Variants in SRRM4 observed in about 807,000 individuals in gnomAD.
SRRM4 encodes serine/arginine repetitive matrix 4.
SRRM4 carries 33 observed loss-of-function variants against 68.9 expected under a neutral mutation model. The observed-to-expected ratio is 0.48, with a 90% CI of 0.36 to 0.64. The LOEUF is 0.64. SRRM4 is among the 30% of genes least tolerant of loss of function. SRRM4 has a pLI of 0.00. For missense variants in SRRM4, 817 were observed against 827.1 expected (o/e 0.99, Z 0.15); for synonymous variants, 318 against 318.8 (o/e 1.00, Z 0.03).
intron 1 of SRRM4, among the ~76,000 whole-genome samples, chr12:119,058,755 C>G (rs1953792547): frequency 6.6e-6 from 1 of 152,174 alleles, no homozygotes; most frequent in Admixed American, 6.5e-5. Context: ...AGGACACACT[C>G]CAGCTCCATT....
At chr12:119,008,051 G>A (rs1953426302) in intron 1 of SRRM4, among the ~76,000 whole-genome samples, 1 of 152,148 alleles carries the variant, frequency 6.6e-6, no homozygotes, top group Admixed American at 6.5e-5. Context: ...GCACATAGTG[G>A]GTGCTCAGCG....
intron 7 of SRRM4, among the ~76,000 whole-genome samples, chr12:119,129,492 C>A (rs1038013924): frequency 1.3e-5 from 2 of 152,076 alleles, no homozygotes; most frequent in African/African-American, 4.8e-5. Context: ...TCACAGATGG[C>A]AAAGTCACAT....
intron 1 of SRRM4, among the ~76,000 whole-genome samples, chr12:119,065,715 G>A (rs1044767753): frequency 6.6e-6 from 1 of 152,100 alleles, no homozygotes; most frequent in Non-Finnish European, 1.5e-5. Flanking sequence ...TTGTGCCACT[G>A]CACTCCAGCT....
chr12:119,137,616 G>T (rs1954338341), intron 8 of SRRM4, among the ~76,000 whole-genome samples: 1 of 151,354 alleles, frequency 6.6e-6, no homozygotes, highest in Non-Finnish European at 1.5e-5. Context: ...GAGAGAGAGA[G>T]AGAGAGAGAG....
rs149658278 is a variant in SRRM4 at position 119,092,076 on chromosome 12, G to A, written c.132-10160G>A. Among the ~76,000 whole-genome samples, 1,441 of 152,282 alleles carry A rather than the reference G, an allele frequency of 9.5e-3. 22 individuals carry two copies. The highest frequency in any genetic ancestry group is 0.012 in the Non-Finnish European group (783 of 68,030). ...ACTGTGTCTAAATGAATAACTTGGA[G>A]CTGTCAGTCACTTTATATTTTAAAA... is the stretch of plus-strand genomic sequence containing the variant. On this transcript the variant is annotated intron_variant, in intron 1 of 12. Transcript: ENST00000267260.
intron 1 of SRRM4, among the ~76,000 whole-genome samples, chr12:119,038,361 G>A (rs1005481658): frequency 1.3e-5 from 2 of 151,838 alleles, no homozygotes; most frequent in African/African-American, 4.8e-5. Context: ...ACAGGCACCC[G>A]CCACCATGCC....
chr12:119,061,924 A>C (rs942561524), intron 1 of SRRM4, among the ~76,000 whole-genome samples: 1 of 152,148 alleles, frequency 6.6e-6, no homozygotes, highest in Non-Finnish European at 1.5e-5. Flanking sequence ...TCCCACCTCC[A>C]TTGAAAATCT....
chr12:119,125,606 T>C, intron 7 of SRRM4, 127 bp downstream of exon 7: 1 of 739,532 alleles, frequency 1.4e-6, no homozygotes, highest in South Asian at 1.9e-5. Flanking sequence ...ACTCAGCAGC[T>C]GGCACCACTT....
chr12:119,038,885 CG>C (rs1380556817), intron 1 of SRRM4, among the ~76,000 whole-genome samples: 2 of 152,278 alleles, frequency 1.3e-5, no homozygotes, highest in South Asian at 4.2e-4. Context: ...ACTGTTATTA[CG>C]GGAGCCAGAG....
intron 1 of SRRM4, among the ~76,000 whole-genome samples, chr12:119,043,284 C>G (rs1953681661): frequency 6.6e-6 from 1 of 152,054 alleles, no homozygotes; most frequent in Admixed American, 6.6e-5. Flanking sequence ...CAAACTCACG[C>G]AAGAACAGAA....
intron 1 of SRRM4, among the ~76,000 whole-genome samples, chr12:119,008,832 G>C (rs1437458390): frequency 1.3e-5 from 2 of 151,942 alleles, no homozygotes; most frequent in Non-Finnish European, 1.5e-5. Flanking sequence ...TAATTGATAC[G>C]GAGTTTCCCC....
chr12:119,130,643 C>A (rs1350454791), intron 7 of SRRM4, 35 bp from the exon 8 acceptor site: 1 of 1,591,494 alleles, frequency 6.3e-7, no homozygotes, highest in East Asian at 2.2e-5. Context: ...TGCTCCCCTT[C>A]AAAAGACCCT....
rs1482797084 is a variant in SRRM4, at chr12:119,154,021, C to T, written c.1392-222C>T. Among the ~76,000 whole-genome samples, 1 of 150,090 alleles carries T rather than the reference C, an allele frequency of 6.7e-6. No individual in the cohort carries two copies. The highest frequency in any genetic ancestry group is 2.5e-5 in the African/African-American group (1 of 40,298). ...TATGATGCCCACCTGCAAATGCTGA[C>T]ACCCCTGCACAAGCCCAGCCCCCAC... On this transcript the variant is annotated intron_variant, in intron 11 of 12. Coordinates refer to ENST00000267260, the MANE Select transcript of SRRM4 (RefSeq NM_194286.4). The surrounding 1 kb of genome is among the most constrained non-coding windows in gnomAD (Gnocchi z 4.7).
intron 10 of SRRM4, among the ~76,000 whole-genome samples, chr12:119,153,202 C>T (rs994352507): frequency 1.3e-5 from 2 of 152,078 alleles, no homozygotes; most frequent in South Asian, 4.2e-4. Context: ...GTGATTTACC[C>T]GAATTCACTC....
Position 119,120,260 on chromosome 12 carries a change from A to G in SRRM4, c.448A>G (p.Lys150Glu). The G allele has an allele frequency of 6.5e-7, 1 of 1,547,904 alleles. No homozygotes were observed. Reference sequence around the variant, plus strand: ...TTTCTTTCTTTTCAGGTCATTCTCCAAGAAGAGAAGGCACAGGTAAGACTC... The same window carrying G: ...TTTCTTTCTTTTCAGGTCATTCTCCGAGAAGAGAAGGCACAGGTAAGACTC... Reference protein sequence around the residue: ...KKHKRRRSFSKKRRHSSSSPK... With the variant: ...KKHKRRRSFSEKRRHSSSSPK... The change falls in exon 5 of 13, where the codon AAG becomes GAG. Residue 150 changes from lysine (K) to glutamate (E), a missense_variant. Lys to Glu is a moderately conservative substitution (Grantham distance 56). Transcript: ENST00000267260.
intron 3 of SRRM4, 79 bp from the exon 4 acceptor site, chr12:119,116,858 G>A (rs1331310413): frequency 5.0e-6 from 6 of 1,194,986 alleles, no homozygotes; most frequent in Non-Finnish European, 7.4e-6. Flanking sequence ...CCTGTATAAG[G>A]ACTGGGGAAG....
intron 11 of SRRM4, 36 bp downstream of exon 11, chr12:119,153,685 G>C (rs768508785): frequency 1.4e-6 from 2 of 1,464,486 alleles, no homozygotes; most frequent in Admixed American, 3.9e-5. Context: ...GCCCGTCCTA[G>C]GCCCCACCCC....
intron 9 of SRRM4, among the ~76,000 whole-genome samples, chr12:119,146,262 AG>A (rs1954400693): frequency 1.3e-5 from 2 of 152,204 alleles, no homozygotes; most frequent in Admixed American, 1.3e-4. Context: ...GCAAAAAAAC[AG>A]ATGACAATTT....
At chr12:119,074,650 A>C (rs10774483) in intron 1 of SRRM4, among the ~76,000 whole-genome samples, 132,085 of 152,096 alleles carry the variant, frequency 0.87, 57,670 homozygotes, top group Middle Eastern at 0.95. Context: ...GCACCTTATT[A>C]CTTGCCCTAG....
Sources: allele counts gnomAD v4.1 joint callset (sites outside exome capture counted in the v4.1 genomes callset), GRCh38; gene constraint gnomAD v4.1.1; non-coding constraint Gnocchi (gnomAD v3.1); transcripts MANE v1.5; gene names NCBI Gene and HGNC (gene_info 2026-07-23, HGNC 2026-07-21).